Variants in PLXDC2 observed in about 807,000 individuals in gnomAD.
PLXDC2 encodes plexin domain-containing protein 2.
Under a neutral mutation model 68.9 loss-of-function variants are expected in PLXDC2, and 40 were observed. The observed-to-expected ratio is 0.58, with a 90% confidence interval of 0.45 to 0.76. PLXDC2 has a LOEUF of 0.76. Among genes scored for constraint, PLXDC2 ranks in the 30% least tolerant of loss-of-function variants. The pLI is 0.00. For missense variants in PLXDC2, 644 were observed against 661.9 expected (o/e 0.97, Z 0.30); for synonymous variants, 243 against 234.2 (o/e 1.04, Z -0.34).
intron 6 of PLXDC2, among the ~76,000 whole-genome samples, chr10:20,161,798 G>A (rs772493948): frequency 2.0e-5 from 3 of 152,012 alleles, no homozygotes; most frequent in Non-Finnish European, 4.4e-5. Context: ...TTGGGAGGCC[G>A]AGGTGGGCGG....
intron 3 of PLXDC2, among the ~76,000 whole-genome samples, chr10:20,053,660 T>C (rs1310072571): frequency 6.6e-6 from 1 of 152,168 alleles, no homozygotes; most frequent in Non-Finnish European, 1.5e-5. Context: ...CCAGACATAT[T>C]AGAATTATTT....
At chr10:19,968,277 G>C (rs770169122) in intron 1 of PLXDC2, among the ~76,000 whole-genome samples, 6 of 152,140 alleles carry the variant, frequency 3.9e-5, no homozygotes, top group African/African-American at 1.4e-4. Context: ...TATTAGATGA[G>C]TGATTAAATA....
intron 1 of PLXDC2, among the ~76,000 whole-genome samples, chr10:19,985,680 A>C (rs1439091333): frequency 6.6e-6 from 1 of 152,230 alleles, no homozygotes; most frequent in East Asian, 1.9e-4. Flanking sequence ...GGATATCTTC[A>C]GAATAAAAGC....
At chr10:20,186,586 G>T (rs574449078) in intron 9 of PLXDC2, among the ~76,000 whole-genome samples, 2 of 151,748 alleles carry the variant, frequency 1.3e-5, no homozygotes, top group Non-Finnish European at 2.9e-5. Context: ...CCTCTGGTAG[G>T]CCTCAGTATG....
At chr10:20,054,465 T>C (rs1835960094) in intron 3 of PLXDC2, among the ~76,000 whole-genome samples, 1 of 151,646 alleles carries the variant, frequency 6.6e-6, no homozygotes, top group Non-Finnish European at 1.5e-5. Context: ...GGTAGAGATA[T>C]AGGTATAGGA....
rs535272381 is a variant in PLXDC2, at chr10:19,838,790, G to C, written c.112+21599G>C. ...AACAATGTGCTGGTTGATTAGAAAAGTGGTGACACATGCAAACTGGATTGT... is the reference window on the plus strand; with the variant it reads ...AACAATGTGCTGGTTGATTAGAAAACTGGTGACACATGCAAACTGGATTGT... On this transcript the variant is annotated intron_variant, in intron 1 of 13. Transcript: ENST00000377252. 7.2e-5 allele frequency among the ~76,000 whole-genome samples: 11 copies of C among 152,316 alleles called. No individual in the cohort carries two copies. In the East Asian group the frequency reaches 1.7e-3, roughly 24 times the overall value.
chr10:20,230,645 G>A (rs1353486581), intron 12 of PLXDC2, among the ~76,000 whole-genome samples: 2 of 125,842 alleles, frequency 1.6e-5, no homozygotes, highest in African/African-American at 3.1e-5. Flanking sequence ...TCACACCATG[G>A]TGAGCGCATG....
intron 1 of PLXDC2, among the ~76,000 whole-genome samples, chr10:19,935,489 A>G (rs948628053): frequency 2.6e-5 from 4 of 152,320 alleles, no homozygotes; most frequent in Non-Finnish European, 2.9e-5. Flanking sequence ...GAGGAGGTGC[A>G]TATGTCCAGG....
chr10:19,984,950 T>A (rs552737191), intron 1 of PLXDC2, among the ~76,000 whole-genome samples: 31 of 152,346 alleles, frequency 2.0e-4, no homozygotes, highest in Admixed American at 5.2e-4. Flanking sequence ...CAGCTGTCCC[T>A]AATTTTTTCT....
At chr10:19,849,254 T>C (rs117696037) in intron 1 of PLXDC2, among the ~76,000 whole-genome samples, 3,036 of 152,292 alleles carry the variant, frequency 0.02, 54 homozygotes, top group Middle Eastern at 0.095. Context: ...ATGTGGTGAA[T>C]TTATTGATGT....
intron 1 of PLXDC2, among the ~76,000 whole-genome samples, chr10:19,907,257 G>C (rs187600729): frequency 6.6e-6 from 1 of 152,040 alleles, no homozygotes; most frequent in Non-Finnish European, 1.5e-5. Flanking sequence ...GCTGTTTCTC[G>C]TTCCAATAAA....
intron 13 of PLXDC2, among the ~76,000 whole-genome samples, chr10:20,278,699 T>G (rs528061173): frequency 2.6e-5 from 4 of 152,282 alleles, no homozygotes; most frequent in South Asian, 2.1e-4. Flanking sequence ...CCATCGACAT[T>G]GGCATGTAAT....
At position 20,071,697 on chromosome 10, in the gene PLXDC2, C is replaced by T. The variant is rs867412572; in HGVS notation, c.541+3458C>T. On this transcript the variant is annotated intron_variant, in intron 4 of 13. Transcript: ENST00000377252. ...GGTATGCCATGAGAAAAGACTAATA[C>T]AGGCATGCTGCGAATAAGCAATAGA... 5.9e-5 allele frequency among the ~76,000 whole-genome samples: 9 copies of T among 152,266 alleles called. No individual in the cohort carries two copies. In the South Asian group the frequency reaches 1.4e-3, roughly 25 times the overall value.
intron 1 of PLXDC2, among the ~76,000 whole-genome samples, chr10:19,890,244 T>A (rs990788161): frequency 1.3e-5 from 2 of 152,184 alleles, no homozygotes; most frequent in African/African-American, 4.8e-5. Flanking sequence ...ATTTTAATTT[T>A]GTTTTAAATT....
chr10:20,266,797 G>A (rs568931554), intron 13 of PLXDC2, among the ~76,000 whole-genome samples: 6 of 152,146 alleles, frequency 3.9e-5, no homozygotes, highest in South Asian at 2.1e-4. Flanking sequence ...CAATATAGGC[G>A]CTCCAGAGAA....
intron 9 of PLXDC2, among the ~76,000 whole-genome samples, chr10:20,182,094 T>C (rs1160841971): frequency 1.3e-5 from 2 of 151,782 alleles, no homozygotes; most frequent in Non-Finnish European, 2.9e-5. Context: ...TGTGTGTGTG[T>C]GTGTGTGAAT....
At chr10:19,894,178 T>G (rs1384695966) in intron 1 of PLXDC2, among the ~76,000 whole-genome samples, 1 of 152,128 alleles carries the variant, frequency 6.6e-6, no homozygotes, top group East Asian at 1.9e-4. Flanking sequence ...GAAAAGAAAT[T>G]TCTGCAGTGT....
chr10:19,896,515 G>T (rs1421365969), intron 1 of PLXDC2, among the ~76,000 whole-genome samples: 1 of 152,208 alleles, frequency 6.6e-6, no homozygotes, highest in South Asian at 2.1e-4. Flanking sequence ...ATAAATGCTT[G>T]TTATTAATAA....
chr10:19,893,465 G>A (rs192489335), intron 1 of PLXDC2, among the ~76,000 whole-genome samples: 5 of 152,238 alleles, frequency 3.3e-5, no homozygotes, highest in Admixed American at 2.0e-4. Flanking sequence ...ATTCTCAGTC[G>A]TAAATGTCTT....
Sources: allele counts gnomAD v4.1 joint callset (sites outside exome capture counted in the v4.1 genomes callset), GRCh38; gene constraint gnomAD v4.1.1; transcripts MANE v1.5; gene names NCBI Gene and HGNC (gene_info 2026-07-23, HGNC 2026-07-21).